The following HOXD11 variants were observed in gnomAD, a reference collection of about 807,000 sequenced individuals.
HOXD11 encodes the protein homeobox protein Hox-D11.
HOXD11 carries 16 observed loss-of-function variants against 23.1 expected under a neutral mutation model. The observed-to-expected ratio is 0.69, with a 90% CI of 0.47 to 1.05. The LOEUF (loss-of-function observed/expected upper bound fraction) is 1.05, where lower values mean the gene tolerates loss of function less well. HOXD11 is among the 50% of genes least tolerant of loss of function. The pLI, the probability that HOXD11 is intolerant of heterozygous loss-of-function variation, is 0.00. For missense variants in HOXD11, 564 were observed against 495.6 expected, an observed-to-expected ratio of 1.14 and a Z score of -1.31; for synonymous variants, 262 against 224.4, an observed-to-expected ratio of 1.17 and a Z score of -1.50.
chr2:176,109,028 G>A lies in HOXD11; in HGVS notation c.903G>A (p.Arg301=), dbSNP rs759069012. The A allele has an allele frequency of 1.2e-6, 2 of 1,613,960 alleles. No individual in the cohort carries two copies. Among genetic ancestry groups the A allele is most frequent in the African/African-American group, 1.3e-5 (1 of 74,928 alleles). ...INKEKRLQLS[R]MLNLTDRQVK... is the part of the protein sequence containing the mutation. ...AAGAGAAAAGACTTCAACTCTCTCGGATGCTCAACCTCACTGACCGGCAAG... is the reference window on the plus strand; with the variant it reads ...AAGAGAAAAGACTTCAACTCTCTCGAATGCTCAACCTCACTGACCGGCAAG... Residue 301 remains arginine (R), a synonymous_variant, in exon 2 of 2, where the codon CGG becomes CGA. Coordinates refer to ENST00000249504, the MANE Select transcript of HOXD11 (RefSeq NM_021192.3).
downstream of HOXD11, among the ~76,000 whole-genome samples, chr2:176,109,908 G>C (rs960411054): frequency 6.6e-6 from 1 of 152,158 alleles, no homozygotes; most frequent in African/African-American, 2.4e-5. Context: ...AGGAACCTAA[G>C]AAGAAAACTC....
Position 176,108,040 on chromosome 2 carries a change from A to G in HOXD11, c.685A>G (p.Thr229Ala). 1 of 1,490,168 alleles carries G rather than the reference A, an allele frequency of 6.7e-7. No homozygotes were observed. The highest frequency in any genetic ancestry group is 1.3e-5 in the South Asian group (1 of 79,108). 92.3% of individuals were successfully genotyped at this position (1,490,168 alleles called of 1,614,324 possible). A position where few individuals can be genotyped will look rare whatever the true frequency, so the allele number is the denominator to read the frequency against. ...GGGGSPCTKATPGSEPKGAAE... is the reference protein window; with the variant it reads ...GGGGSPCTKAAPGSEPKGAAE... ...CGGGGGCAGTCCCTGCACCAAGGCGACCCCTGGCTCGGAGCCCAAGGGGGC... is the reference window on the plus strand; with the variant it reads ...CGGGGGCAGTCCCTGCACCAAGGCGGCCCCTGGCTCGGAGCCCAAGGGGGC... Residue 229 changes from threonine to alanine, a missense_variant, in exon 1 of 2, where the codon ACC becomes GCC. Thr to Ala is a moderately conservative substitution (Grantham distance 58, BLOSUM62 0). Transcript: ENST00000249504.
Position 176,107,993 on chromosome 2 carries a change from C to G in HOXD11, c.638C>G (p.Pro213Arg). The part of the protein sequence containing the change: ...QPEGAADKGD[P>R]RTGAGGGGGS... ...GAGGGCGCAGCCGACAAGGGCGACC[C>G]CAGGACCGGGGCTGGTGGCGGCGGG... Residue 213 changes from proline (P) to arginine (R), a missense_variant, in exon 1 of 2, where the codon CCC (proline) becomes CGC (arginine). Pro to Arg is a moderately radical substitution (Grantham distance 103). Coordinates refer to ENST00000249504, the MANE Select transcript of HOXD11 (RefSeq NM_021192.3). The G allele has an allele frequency of 2.0e-6, 3 of 1,479,872 alleles. No individual in the cohort carries two copies. The highest frequency in any genetic ancestry group is 1.3e-5 in the South Asian group (1 of 77,636). 91.7% of individuals were successfully genotyped at this position (1,479,872 alleles called of 1,614,324 possible). A position where few individuals can be genotyped will look rare whatever the true frequency, so the allele number is the denominator to read the frequency against.
At chr2:176,112,130 C>T (rs1383758295), downstream of HOXD11, among the ~76,000 whole-genome samples, 1 of 152,198 alleles carries the variant, frequency 6.6e-6, no homozygotes, top group Non-Finnish European at 1.5e-5. Context: ...AACGTTTATA[C>T]TTCAAGGCGT....
In HOXD11 at chr2:176,108,940, C is replaced by G; in HGVS notation, c.815C>G (p.Pro272Arg). The G allele has an allele frequency of 6.2e-7, 1 of 1,614,096 alleles. No individual in the cohort carries two copies. The highest frequency in any genetic ancestry group is 8.5e-7 in the Non-Finnish European group (1 of 1,179,984). ...CAGCGGTCCCGGAAAAAGCGCTGTCCCTATACCAAGTACCAGATCCGCGAA... is the reference window on the plus strand; with the variant it reads ...CAGCGGTCCCGGAAAAAGCGCTGTCGCTATACCAAGTACCAGATCCGCGAA... ...APQRSRKKRC[P>R]YTKYQIRELE... Residue 272 changes from proline to arginine, a missense_variant, in exon 2 of 2, where the codon CCC (proline) becomes CGC (arginine). Transcript: ENST00000249504.
Position 176,109,106 on chromosome 2 carries a change from C to T in HOXD11, c.981C>T (p.Asp327=), listed in dbSNP as rs200124286. Residue 327 remains aspartate (D), a synonymous_variant, in exon 2 of 2, where the codon GAC becomes GAT. Coordinates refer to ENST00000249504, the MANE Select transcript of HOXD11 (RefSeq NM_021192.3). The part of the protein sequence containing the change: ...RRMKEKKLNR[D]RLQYFTGNPL... Reference sequence around the variant, plus strand: ...TGAAAGAAAAGAAACTGAACAGAGACCGTCTGCAGTATTTCACTGGAAACC... The same window carrying T: ...TGAAAGAAAAGAAACTGAACAGAGATCGTCTGCAGTATTTCACTGGAAACC... 2.5e-6 allele frequency: 4 copies of T among 1,613,908 alleles called. No individual in the cohort carries two copies. The highest frequency in any genetic ancestry group is 3.3e-5 in the Admixed American group (2 of 60,026).
At position 176,109,041 on chromosome 2, in the gene HOXD11, A is replaced by T. The variant is rs1689636454; in HGVS notation, c.916A>T (p.Thr306Ser). ...RLQLSRMLNL[T>S]DRQVKIWFQN... ...TCAACTCTCTCGGATGCTCAACCTC[A>T]CTGACCGGCAAGTCAAAATCTGGTT... The change falls in exon 2 of 2, where the codon ACT (threonine) becomes TCT (serine). Residue 306 changes from threonine (T) to serine (S), a missense_variant. Coordinates refer to ENST00000249504, the MANE Select transcript of HOXD11 (RefSeq NM_021192.3). 6.2e-7 allele frequency: 1 copy of T among 1,613,990 alleles called. No individual in the cohort carries two copies. Among genetic ancestry groups the T allele is most frequent in the African/African-American group, 1.3e-5 (1 of 74,934 alleles).
chr2:176,108,277 T>G, intron 1 of HOXD11, 141 bp downstream of exon 1: 1 of 572,692 alleles, frequency 1.7e-6, no homozygotes, highest in Non-Finnish European at 2.7e-6. Flanking sequence ...TAAGATTTCC[T>G]GGGCCGTTGT....
rs149509317 is a variant in HOXD11 at position 176,107,440 on chromosome 2, G to A, written c.85G>A (p.Ala29Thr). 8 of 1,613,966 alleles carry A rather than the reference G, an allele frequency of 5.0e-6. No homozygotes were observed. Among genetic ancestry groups the A allele is most frequent in the Non-Finnish European group, 6.8e-6 (8 of 1,179,920 alleles). The change falls in exon 1 of 2, where the codon GCT becomes ACT. Residue 29 changes from alanine to threonine, a missense_variant. Ala to Thr is a moderately conservative substitution (Grantham distance 58). Coordinates refer to ENST00000249504, the MANE Select transcript of HOXD11 (RefSeq NM_021192.3). ...CAYYVAPSDFASKPSFLSQPS... is the reference protein window; with the variant it reads ...CAYYVAPSDFTSKPSFLSQPS... ...CTACTATGTGGCCCCGTCTGACTTCGCTAGCAAGCCTTCGTTCCTTTCCCA... is the reference window on the plus strand; with the variant it reads ...CTACTATGTGGCCCCGTCTGACTTCACTAGCAAGCCTTCGTTCCTTTCCCA...
At chr2:176,115,069 C>T in the HOXD11 span, among the ~76,000 whole-genome samples, 1 of 152,260 alleles carries the variant, frequency 6.6e-6, no homozygotes, top group Non-Finnish European at 1.5e-5. Context: ...GCGGCTCACC[C>T]GCCTGCAGCA....
At chr2:176,112,250 G>A (rs1291486379), downstream of HOXD11, among the ~76,000 whole-genome samples, 3 of 152,238 alleles carry the variant, frequency 2.0e-5, no homozygotes, top group Non-Finnish European at 4.4e-5. Flanking sequence ...GTGGCTCTCA[G>A]AAGCAGTGCA....
intron 1 of HOXD11, 97 bp from the exon 2 acceptor site, chr2:176,108,810 G>A (rs1689628882): frequency 1.3e-6 from 1 of 774,342 alleles, no homozygotes. Context: ...CCCCAACGGG[G>A]CCAGGGCCTG....
chr2:176,114,082 A>T (rs1689714807), downstream of HOXD11, among the ~76,000 whole-genome samples: 1 of 152,214 alleles, frequency 6.6e-6, no homozygotes. Flanking sequence ...TGGGCAAACA[A>T]GTTCCCAGCA....
intron 1 of HOXD11, chr2:176,108,697 GTC>G: frequency 1.7e-6 from 1 of 580,136 alleles, no homozygotes; most frequent in Non-Finnish European, 3.1e-6. Flanking sequence ...GTGTGTGTGT[GTC>G]CGGGCGTGAA....
intron 1 of HOXD11, 35 bp from the exon 2 acceptor site, chr2:176,108,872 G>A (rs747949072): frequency 6.7e-7 from 1 of 1,492,382 alleles, no homozygotes. Context: ...GTCAGGCAGC[G>A]GCCTCTCTCA....
At chr2:176,108,661 GT>G (rs2105388265) in intron 1 of HOXD11, 2 of 302,810 alleles carry the variant, frequency 6.6e-6, no homozygotes, top group Non-Finnish European at 1.2e-5. Flanking sequence ...GCCAGGCTCT[GT>G]GTGTGTGTGT....
At chr2:176,113,160 C>A (rs1689700981), downstream of HOXD11, among the ~76,000 whole-genome samples, 1 of 152,086 alleles carries the variant, frequency 6.6e-6, no homozygotes, top group African/African-American at 2.4e-5. Context: ...CCCGGAGGAG[C>A]GCCCGGGGAA....
downstream of HOXD11, among the ~76,000 whole-genome samples, chr2:176,112,542 C>T (rs1044172973): frequency 2.0e-5 from 3 of 152,226 alleles, no homozygotes; most frequent in Non-Finnish European, 4.4e-5. Flanking sequence ...GAGGCCGGGG[C>T]TCCAGTGAGC....
At position 176,107,864 on chromosome 2, in the gene HOXD11, G is replaced by A; in HGVS notation, c.509G>A (p.Arg170His). The A allele has an allele frequency of 2.1e-6, 3 of 1,451,438 alleles. No individual in the cohort carries two copies. Among genetic ancestry groups the A allele is most frequent in the South Asian group, 1.3e-5 (1 of 75,034 alleles). 89.9% of individuals were successfully genotyped at this position (1,451,438 alleles called of 1,614,324 possible). Residue 170 changes from arginine (R) to histidine (H), a missense_variant, in exon 1 of 2, where the codon CGC becomes CAC. Physicochemically the swap from Arg to His is conservative, Grantham distance 29. Transcript: ENST00000249504. ...TCCAACTTCTACAGCGCGGTGGGCCGCAATGGCATCTTGCCACAGGGCTTC... is the reference window on the plus strand; with the variant it reads ...TCCAACTTCTACAGCGCGGTGGGCCACAATGGCATCTTGCCACAGGGCTTC... ...AASNFYSAVGRNGILPQGFDQ... is the reference protein window; with the variant it reads ...AASNFYSAVGHNGILPQGFDQ...
Sources: allele counts gnomAD v4.1 joint callset (sites outside exome capture counted in the v4.1 genomes callset), GRCh38; gene constraint gnomAD v4.1.1; transcripts MANE v1.5; gene names NCBI Gene and HGNC (gene_info 2026-07-23, HGNC 2026-07-21).